SUPT7L: variants seen among roughly 807,000 people sequenced by gnomAD.
The protein encoded by SUPT7L is STAGA complex 65 subunit gamma.
In SUPT7L, 15 loss-of-function variants were observed where a neutral mutation model predicts 35.7. The observed-to-expected ratio is 0.42, with a 90% confidence interval of 0.28 to 0.65. The LOEUF (loss-of-function observed/expected upper bound fraction) is 0.65. SUPT7L is among the 30% of genes least tolerant of loss of function. The probability of loss-of-function intolerance (pLI) is 0.23; values close to 1 mark genes in which losing one functional copy is unlikely to be tolerated. For synonymous variants in SUPT7L, 168 were observed against 186.2 expected, an observed-to-expected ratio of 0.90 and a Z score of 0.79; for missense variants, 434 against 522.2, an observed-to-expected ratio of 0.83 and a Z score of 1.65.
At chr2:27,649,529 T>C (rs1674418462), downstream of SUPT7L, among the ~76,000 whole-genome samples, 1 of 152,212 alleles carries the variant, frequency 6.6e-6, no homozygotes, top group African/African-American at 2.4e-5. Flanking sequence ...GCCCCTTTTT[T>C]TTCAGTCCCC....
intron 4 of SUPT7L, 91 bp from the exon 5 acceptor site, chr2:27,655,693 C>T: frequency 9.1e-7 from 1 of 1,103,834 alleles, no homozygotes; most frequent in South Asian, 1.6e-5. Context: ...GCCAACAGAA[C>T]ATGAATAACA....
chr2:27,643,082 C>G, the SUPT7L span, among the ~76,000 whole-genome samples: 3 of 151,348 alleles, frequency 2.0e-5, no homozygotes, highest in East Asian at 5.8e-4. The surrounding 1 kb of genome is among the most constrained non-coding windows in gnomAD (Gnocchi z 4.0). Flanking sequence ...TTGGGTTCCT[C>G]TTTCAGGAAG....
In SUPT7L at chr2:27,657,280, G is replaced by A; in HGVS notation, c.744+65C>T. On this transcript the variant is annotated intron_variant, in intron 4 of 5. Transcript: ENST00000337768. The surrounding 1 kb of genome is among the most constrained non-coding windows in gnomAD (Gnocchi z 5.2). ...CTGCACTCTAGACCAAGTGTTGTGG[G>A]ATCCTGCTGAACACTCCGAGATTGC... is the stretch of plus-strand genomic sequence containing the variant. 1 of 1,534,292 alleles carries A rather than the reference G, an allele frequency of 6.5e-7. No homozygotes were observed. The highest frequency in any genetic ancestry group is 8.9e-7 in the Non-Finnish European group (1 of 1,127,444).
Position 27,652,916 on chromosome 2 carries a change from A to G in SUPT7L, c.*569T>C, listed in dbSNP as rs1433216308. The G allele has an allele frequency of 6.5e-6, 1 of 154,656 alleles. No individual in the cohort carries two copies. Among genetic ancestry groups the G allele is most frequent in the African/African-American group, 2.4e-5 (1 of 41,472 alleles). 9.6% of individuals were successfully genotyped at this position (154,656 alleles called of 1,614,324 possible). On this transcript the variant is annotated 3_prime_UTR_variant, in exon 6 of 6. Transcript: ENST00000337768. ...AGGTGTCAGACCTCTGATCTTATAA[A>G]TAAGACACTTCAAAAGTAGCAAAAA...
downstream of SUPT7L, among the ~76,000 whole-genome samples, chr2:27,646,049 T>C (rs898100797): frequency 2.7e-5 from 4 of 149,956 alleles, no homozygotes; most frequent in Non-Finnish European, 4.4e-5. Flanking sequence ...TGTATGTATG[T>C]ATTTATTTTT....
rs1439195324 is a variant in SUPT7L, at chr2:27,661,356, T to G, written c.47A>C (p.Gln16Pro). ...CAAATCGAAGGAACTTCTGTTGGTC[T>G]GGCTTGATGATATTGGTATCTCTCC... ...YWGEIPISSS[Q>P]TNRSSFDLLP... The change falls in exon 3 of 6, where the codon CAG becomes CCG. Residue 16 changes from glutamine to proline, a missense_variant. Coordinates refer to ENST00000337768, the MANE Select transcript of SUPT7L (RefSeq NM_014860.3). The G allele has an allele frequency of 3.7e-6, 6 of 1,613,946 alleles. No homozygotes were observed. The African/African-American group carries it at 8.0e-5, about 22-fold the overall frequency.
chr2:27,647,735 T>G, downstream of SUPT7L: 1 of 695,526 alleles, frequency 1.4e-6, no homozygotes. Flanking sequence ...TTTATATGTA[T>G]CATGAGCACT....
Position 27,657,374 on chromosome 2 carries a change from T to C in SUPT7L, c.715A>G (p.Ile239Val). 6.2e-7 allele frequency: 1 copy of C among 1,614,254 alleles called. No homozygotes were observed. Among genetic ancestry groups the C allele is most frequent in the East Asian group, 2.2e-5 (1 of 44,882 alleles). Residue 239 changes from isoleucine (I) to valine (V), a missense_variant, in exon 4 of 6, where the codon ATC becomes GTC. Around this residue, in one of 3 missense-constraint regions of SUPT7L, gnomAD observed 198 missense variants for 190.8 expected, o/e 1.04. Coordinates refer to ENST00000337768, the MANE Select transcript of SUPT7L (RefSeq NM_014860.3). The surrounding 1 kb of genome is among the most constrained non-coding windows in gnomAD (Gnocchi z 5.2). The stretch of plus-strand genomic sequence containing the variant: ...AGCATGTAACTGTGATAGTCCTTGA[T>C]GCGGTGCTGCCAGAACTTCTGGAGG... ...LSLQKFWQHR[I>V]KDYHSYMLQI... is the part of the protein sequence containing the mutation.
chr2:27,644,364 G>A, the SUPT7L span, among the ~76,000 whole-genome samples: 1 of 152,034 alleles, frequency 6.6e-6, no homozygotes, highest in Non-Finnish European at 1.5e-5. Context: ...TGTTGCAAAT[G>A]TTTAATATTT....
Position 27,663,492 on chromosome 2 carries a change from CA to C in SUPT7L, c.-254del. On this transcript the variant is annotated 5_prime_UTR_variant, in exon 1 of 6. Transcript: ENST00000337768. ...GGGGAGGTCTGGACCTGAACCGAGA[CA>C]AGGAGGTACCACACTATTCACTGCT... 2.3e-6 allele frequency: 1 copy of C among 437,636 alleles called. No homozygotes were observed. The highest frequency in any genetic ancestry group is 4.2e-6 in the Non-Finnish European group (1 of 236,968). The allele number at this position is 437,636 out of a possible 1,614,324, so 27.1% of individuals were successfully genotyped here.
chr2:27,647,955 C>T (rs1467423830), downstream of SUPT7L: 7 of 1,482,564 alleles, frequency 4.7e-6, no homozygotes, highest in East Asian at 1.6e-4. Flanking sequence ...TGAGAGGTGG[C>T]TGAGGTGGCC....
At position 27,655,477 on chromosome 2, in the gene SUPT7L, C is replaced by T. The variant is rs1189904928; in HGVS notation, c.870G>A (p.Glu290=). Residue 290 remains glutamate (E), a synonymous_variant, in exon 5 of 6, where the codon GAG becomes GAA. Coordinates refer to ENST00000337768, the MANE Select transcript of SUPT7L (RefSeq NM_014860.3). The part of the protein sequence containing the change: ...VSDITFPVSE[E]LEADLASGDQ... ...CTCCAGAAGCAAGGTCAGCCTCCAG[C>T]TCCTCACTGACAGGAAAAGTGATGT... is the stretch of plus-strand genomic sequence containing the variant. 1 of 1,614,054 alleles carries T rather than the reference C, an allele frequency of 6.2e-7. No homozygotes were observed. The highest frequency in any genetic ancestry group is 2.2e-5 in the East Asian group (1 of 44,892).
rs1249372816 is a variant in SUPT7L at position 27,657,591 on chromosome 2, C to T, written c.498G>A (p.Leu166=). ...TAGCACAGTCAAAGCCCGCGTGGGC[C>T]AGGATTGTGGCCACTGCCTGGTAGA... ...QLLYQAVATI[L]AHAGFDCANE... The change falls in exon 4 of 6, where the codon CTG becomes CTA. Residue 166 remains leucine (L), a synonymous_variant. Coordinates refer to ENST00000337768, the MANE Select transcript of SUPT7L (RefSeq NM_014860.3). This position sits in a 1 kb window ranked among gnomAD's most constrained non-coding sequence, Gnocchi z 5.2. 6 of 1,614,112 alleles carry T rather than the reference C, an allele frequency of 3.7e-6. No homozygotes were observed. In the Admixed American group the frequency reaches 8.3e-5, roughly 22 times the overall value.
chr2:27,656,508 C>T (rs975322676), intron 4 of SUPT7L, among the ~76,000 whole-genome samples: 5 of 152,156 alleles, frequency 3.3e-5, no homozygotes, highest in African/African-American at 1.2e-4. Flanking sequence ...AACTTCTGGC[C>T]TCAAACAATC....
rs766103531 is a variant in SUPT7L, at chr2:27,653,546, C to G, written c.1184G>C (p.Ser395Thr). Residue 395 changes from serine to threonine, a missense_variant, in exon 6 of 6, where the codon AGC (serine) becomes ACC (threonine). Ser to Thr is a moderately conservative substitution (Grantham distance 58). Coordinates refer to ENST00000337768, the MANE Select transcript of SUPT7L (RefSeq NM_014860.3). ...DSSYGSHSTD[S>T]LMGSSPVFNQ... Reference sequence around the variant, plus strand: ...GAAAACAGGGGAGGACCCCATGAGGCTGTCAGTGGAGTGGGAACCATAGCT... The same window carrying G: ...GAAAACAGGGGAGGACCCCATGAGGGTGTCAGTGGAGTGGGAACCATAGCT... 6 of 1,614,092 alleles carry G rather than the reference C, an allele frequency of 3.7e-6. No individual in the cohort carries two copies. In the African/African-American group the frequency reaches 6.7e-5, roughly 18 times the overall value.
Position 27,655,415 on chromosome 2 carries a change from C to A in SUPT7L, c.932G>T (p.Ser311Ile), listed in dbSNP as rs756593192. The A allele has an allele frequency of 7.8e-5, 125 of 1,611,424 alleles. No homozygotes were observed. Among genetic ancestry groups the A allele is most frequent in the Non-Finnish European group, 9.5e-5 (112 of 1,178,988 alleles). ...CTCCAGGTTAGATGGGAAGCGTTCG[C>A]TCTGAGCCCCAAGCACTCCCATAGG... is the stretch of plus-strand genomic sequence containing the variant. The part of the protein sequence containing the change: ...SLPMGVLGAQ[S>I]ERFPSNLEVE... The change falls in exon 5 of 6, where the codon AGC (serine) becomes ATC (isoleucine). Residue 311 changes from serine (S) to isoleucine (I), a missense_variant. Physicochemically the swap from Ser to Ile is moderately radical, Grantham distance 142. Transcript: ENST00000337768.
At position 27,663,457 on chromosome 2, in the gene SUPT7L, G is replaced by C. The variant is rs1675218666; in HGVS notation, c.-218C>G. On this transcript the variant is annotated 5_prime_UTR_variant, in exon 1 of 6. Transcript: ENST00000337768. ...CTGAGGTCGCCTGACGTTCAGGGCAGCCGGAAGACGGGGAGGTCTGGACCT... is the reference window on the plus strand; with the variant it reads ...CTGAGGTCGCCTGACGTTCAGGGCACCCGGAAGACGGGGAGGTCTGGACCT... 2.8e-6 allele frequency: 1 copy of C among 355,656 alleles called. No homozygotes were observed. The highest frequency in any genetic ancestry group is 2.1e-5 in the African/African-American group (1 of 47,652). 22.0% of individuals were successfully genotyped at this position (355,656 alleles called of 1,614,324 possible).
intron 4 of SUPT7L, 98 bp from the exon 5 acceptor site, chr2:27,655,700 A>G: frequency 9.4e-7 from 1 of 1,069,366 alleles, no homozygotes; most frequent in South Asian, 1.6e-5. Flanking sequence ...GAACATGAAT[A>G]ACAGAATTTT....
At chr2:27,647,931 A>G, downstream of SUPT7L, 1 of 1,604,468 alleles carries the variant, frequency 6.2e-7, no homozygotes, top group African/African-American at 1.3e-5. Context: ...TACTGATGAC[A>G]TTGACCACAG....
Sources: allele counts gnomAD v4.1 joint callset (sites outside exome capture counted in the v4.1 genomes callset), GRCh38; gene constraint gnomAD v4.1.1; regional missense constraint gnomAD v4.1.1; non-coding constraint Gnocchi (gnomAD v3.1); transcripts MANE v1.5; gene names NCBI Gene and HGNC (gene_info 2026-07-23, HGNC 2026-07-21).